TENM2: variants seen among roughly 807,000 people sequenced by gnomAD.
The protein encoded by TENM2 is teneurin transmembrane protein 2.
Under a neutral mutation model 245.2 loss-of-function variants are expected in TENM2, and 52 were observed. That is an observed-to-expected ratio of 0.21 (90% CI 0.17 to 0.27). The LOEUF is 0.27. TENM2 is among the 10% of genes least tolerant of loss of function. The pLI, the probability that TENM2 is intolerant of heterozygous loss-of-function variation, is 1.00. For synonymous variants in TENM2, 1,363 were observed against 1,438.9 expected, an observed-to-expected ratio of 0.95 and a Z score of 1.19; for missense variants, 3,046 against 3,666.8, an observed-to-expected ratio of 0.83 and a Z score of 4.37.
chr5:167,591,084 C>T (rs1775847543), intron 2 of TENM2, among the ~76,000 whole-genome samples: 1 of 152,166 alleles, frequency 6.6e-6, no homozygotes, highest in South Asian at 2.1e-4. Context: ...AGAGAGTTCT[C>T]ATTGCTCTAG....
At chr5:167,345,891 CCA>C (rs1758422881) in intron 1 of TENM2, among the ~76,000 whole-genome samples, 1 of 129,480 alleles carries the variant, frequency 7.7e-6, no homozygotes. Flanking sequence ...TAACATACAG[CCA>C]AAAAAAAAAA....
chr5:167,862,636 C>T (rs369545279), intron 2 of TENM2, among the ~76,000 whole-genome samples: 15 of 152,166 alleles, frequency 9.9e-5, no homozygotes, highest in East Asian at 1.9e-4. Context: ...TAGTTTTCCC[C>T]GGAGAGTGTC....
the TENM2 span, among the ~76,000 whole-genome samples, chr5:167,023,692 T>C: frequency 2.0e-5 from 3 of 152,220 alleles, no homozygotes; most frequent in African/African-American, 7.2e-5. Context: ...ATCTTTTCAG[T>C]TTTATGTACT....
intron 2 of TENM2, among the ~76,000 whole-genome samples, chr5:167,604,691 G>A (rs998864530): frequency 6.6e-6 from 1 of 152,206 alleles, no homozygotes; most frequent in African/African-American, 2.4e-5. Context: ...ACATCAATGT[G>A]TTCCTTCAAA....
chr5:167,737,406 A>G (rs553436352), intron 2 of TENM2, among the ~76,000 whole-genome samples: 16 of 152,288 alleles, frequency 1.1e-4, no homozygotes, highest in African/African-American at 3.6e-4. Context: ...GGAGTCCAAA[A>G]TCTGTCTTCT....
intron 18 of TENM2, among the ~76,000 whole-genome samples, 191 bp downstream of exon 20, chr5:168,204,023 TA>T (rs1055254434): frequency 3.3e-5 from 5 of 151,462 alleles, no homozygotes; most frequent in African/African-American, 4.8e-5. Context: ...AAATATTTAT[TA>T]TTTTTTTAAT....
the TENM2 span, among the ~76,000 whole-genome samples, chr5:167,213,901 A>G: frequency 6.6e-6 from 1 of 152,170 alleles, no homozygotes; most frequent in Non-Finnish European, 1.5e-5. Flanking sequence ...GTATTTGAAA[A>G]CCACTGCAAA....
At chr5:168,072,140 A>G (rs1188225340) in intron 7 of TENM2, among the ~76,000 whole-genome samples, 2 of 152,210 alleles carry the variant, frequency 1.3e-5, no homozygotes, top group Non-Finnish European at 2.9e-5. Context: ...ACAAGGAGCC[A>G]AATGTGACAT....
At chr5:167,196,758 A>G in the TENM2 span, among the ~76,000 whole-genome samples, 55 of 152,158 alleles carry the variant, frequency 3.6e-4, no homozygotes, top group South Asian at 2.5e-3. Context: ...TTTACATAGT[A>G]TATACATTGT....
intron 5 of TENM2, among the ~76,000 whole-genome samples, chr5:168,002,977 T>C (rs1453722386): frequency 6.6e-6 from 1 of 152,146 alleles, no homozygotes; most frequent in Non-Finnish European, 1.5e-5. Context: ...ACCAGGAAAG[T>C]TTAAAAAGCC....
At chr5:167,291,940 A>G (rs1022185635) in intron 1 of TENM2, among the ~76,000 whole-genome samples, 2 of 152,192 alleles carry the variant, frequency 1.3e-5, no homozygotes, top group African/African-American at 4.8e-5. Context: ...TAATGGACTT[A>G]CAGTTCCACA....
chr5:167,155,843 C>G, the TENM2 span, among the ~76,000 whole-genome samples: 1 of 152,228 alleles, frequency 6.6e-6, no homozygotes, highest in Non-Finnish European at 1.5e-5. Flanking sequence ...TGCGGTCACG[C>G]AGCGTGTGTG....
intron 23 of TENM2, among the ~76,000 whole-genome samples, chr5:168,219,966 CA>C (rs1763529922): frequency 6.6e-6 from 1 of 152,068 alleles, no homozygotes; most frequent in Non-Finnish European, 1.5e-5. Flanking sequence ...AAGCTGTTGC[CA>C]CCTGCTGGAT....
chr5:167,170,396 A>G, the TENM2 span, among the ~76,000 whole-genome samples: 63 of 152,320 alleles, frequency 4.1e-4, no homozygotes, highest in African/African-American at 1.5e-3. Context: ...GAAGTTCCAC[A>G]TAAGAAGACA....
the TENM2 span, among the ~76,000 whole-genome samples, chr5:167,102,745 G>A: frequency 2.0e-5 from 3 of 152,204 alleles, no homozygotes; most frequent in East Asian, 3.9e-4. Flanking sequence ...TGCAACCTCC[G>A]CCTCCCAGGT....
chr5:167,737,209 G>T (rs1373250781), intron 2 of TENM2, among the ~76,000 whole-genome samples: 1 of 152,196 alleles, frequency 6.6e-6, no homozygotes, highest in South Asian at 2.1e-4. Flanking sequence ...AGTGATCATT[G>T]TCTGGTTGGC....
chr5:167,118,135 A>G, the TENM2 span, among the ~76,000 whole-genome samples: 1 of 152,254 alleles, frequency 6.6e-6, no homozygotes, highest in African/African-American at 2.4e-5. Context: ...AGTTATTCAT[A>G]GTATTCTTCC....
At chr5:168,009,054 A>T (rs542375410) in intron 5 of TENM2, among the ~76,000 whole-genome samples, 13 of 152,346 alleles carry the variant, frequency 8.5e-5, no homozygotes, top group African/African-American at 2.9e-4. Flanking sequence ...AGGCTAACAA[A>T]ATTCCTCCAT....
chr5:167,798,945 T>C (rs1050980415), intron 2 of TENM2, among the ~76,000 whole-genome samples: 2 of 152,226 alleles, frequency 1.3e-5, no homozygotes, highest in African/African-American at 4.8e-5. Context: ...TCTGCCCAAT[T>C]GTCCCCACCT....
Sources: gnomAD v4.1 joint callset for allele counts (sites outside exome capture counted in the v4.1 genomes callset) on GRCh38, gnomAD v4.1.1 for gene constraint, MANE v1.5 for transcripts, NCBI Gene and HGNC (gene_info 2026-07-23, HGNC 2026-07-21) for gene names.